The following HNRNPF variants were observed in gnomAD, a reference collection of about 807,000 sequenced individuals.
HNRNPF encodes the protein HnRNP F protein.
Under a neutral mutation model 26.0 loss-of-function variants are expected in HNRNPF, and 2 were observed. The observed-to-expected ratio is 0.08, with a 90% CI of 0.03 to 0.24. The LOEUF (loss-of-function observed/expected upper bound fraction) is 0.24. Among genes scored for constraint, HNRNPF ranks in the 10% least tolerant of loss-of-function variants. The pLI is 1.00. For missense variants in HNRNPF, 299 were observed against 539.2 expected (o/e 0.55, Z 4.41); for synonymous variants, 234 against 211.5 (o/e 1.11, Z -0.92).
chr10:43,388,136 T>C (rs1000356805), intron 3 of HNRNPF, among the ~76,000 whole-genome samples, 200 bp from the exon 4 acceptor site: 2 of 152,166 alleles, frequency 1.3e-5, no homozygotes, highest in Non-Finnish European at 2.9e-5. Context: ...GACAGGACGA[T>C]GCATGTGAAT....
At chr10:43,395,293 T>A (rs1178681568) in intron 2 of HNRNPF, among the ~76,000 whole-genome samples, 2 of 152,288 alleles carry the variant, frequency 1.3e-5, no homozygotes, top group Middle Eastern at 3.4e-3. Flanking sequence ...GTAAGCAGTG[T>A]GGAGACACAT....
intron 3 of HNRNPF, among the ~76,000 whole-genome samples, chr10:43,394,186 C>G (rs892950250): frequency 3.9e-5 from 6 of 152,118 alleles, no homozygotes; most frequent in African/African-American, 1.2e-4. Flanking sequence ...GTAGGGGGGT[C>G]AACACCTTCC....
At chr10:43,407,292 A>T (rs1037495683) in intron 1 of HNRNPF, among the ~76,000 whole-genome samples, 7 of 151,670 alleles carry the variant, frequency 4.6e-5, no homozygotes, top group Non-Finnish European at 1.0e-4. Context: ...CCCGCCACGC[A>T]GATGGCCGGC....
chr10:43,392,508 C>T (rs949284953), intron 3 of HNRNPF, among the ~76,000 whole-genome samples: 6 of 152,328 alleles, frequency 3.9e-5, no homozygotes, highest in African/African-American at 1.4e-4. Context: ...CACTGCACTC[C>T]AGCCTAGGCG....
intron 3 of HNRNPF, among the ~76,000 whole-genome samples, chr10:43,392,680 G>C (rs1838300785): frequency 1.3e-5 from 2 of 152,162 alleles, no homozygotes; most frequent in Admixed American, 6.5e-5. Context: ...AATTACTGTT[G>C]GTTTTCCAGT....
At chr10:43,407,376 G>T (rs1489314154) in intron 1 of HNRNPF, among the ~76,000 whole-genome samples, 1 of 152,148 alleles carries the variant, frequency 6.6e-6, no homozygotes, top group African/African-American at 2.4e-5. Context: ...CCGCCCGCGG[G>T]CAATGGCCGA....
chr10:43,403,923 T>C (rs1388242075), intron 1 of HNRNPF, among the ~76,000 whole-genome samples: 2 of 150,574 alleles, frequency 1.3e-5, no homozygotes, highest in Non-Finnish European at 3.0e-5. Context: ...GCCCAGGAGG[T>C]TGAGGCTGCA....
At chr10:43,403,690 G>A (rs558670806) in intron 1 of HNRNPF, among the ~76,000 whole-genome samples, 95 of 152,264 alleles carry the variant, frequency 6.2e-4, no homozygotes, top group African/African-American at 2.3e-3. Flanking sequence ...GAAATGCTAA[G>A]CTGAATTTAT....
intron 1 of HNRNPF, among the ~76,000 whole-genome samples, chr10:43,397,816 G>GTA (rs1838606988): frequency 6.6e-6 from 1 of 152,082 alleles, no homozygotes. Flanking sequence ...TCATTATACT[G>GTA]TAATTTTATT....
intron 3 of HNRNPF, among the ~76,000 whole-genome samples, chr10:43,393,152 T>G (rs78190000): frequency 0.015 from 2,255 of 152,360 alleles, 29 homozygotes; most frequent in Non-Finnish European, 0.023. Flanking sequence ...ACACGTTGAA[T>G]GGCAGCCTAT....
At chr10:43,395,930 CGTCCGCAG>C (rs1838479471) in intron 2 of HNRNPF, among the ~76,000 whole-genome samples, 1 of 152,140 alleles carries the variant, frequency 6.6e-6, no homozygotes, top group Non-Finnish European at 1.5e-5. Context: ...CTGGTCTCCC[CGTCCGCAG>C]CGCCAAGAAA....
chr10:43,404,348 G>C (rs147480571), intron 1 of HNRNPF, among the ~76,000 whole-genome samples: 1 of 150,452 alleles, frequency 6.6e-6, no homozygotes, highest in South Asian at 2.1e-4. Context: ...ATCTTAGAGC[G>C]ATCACATGAA....
At chr10:43,403,865 C>T (rs936343014) in intron 1 of HNRNPF, among the ~76,000 whole-genome samples, 7 of 152,114 alleles carry the variant, frequency 4.6e-5, no homozygotes, top group African/African-American at 1.2e-4. Flanking sequence ...GCATGTGGCA[C>T]ACACCTGTAA....
Position 43,395,718 on chromosome 10 carries a change from A to AC in HNRNPF, c.-112+737_-112+738insG, listed in dbSNP as rs556645417. ...ACTTGTTCAAGGATCTAAAGGGTGG[A>AC]ACCCAGTCATCTTAATGATCTGATC... On this transcript the variant is annotated intron_variant, in intron 2 of 3. Coordinates refer to ENST00000682386, the MANE Select transcript of HNRNPF (RefSeq NM_001098204.2). Among the ~76,000 whole-genome samples, 373 of 152,338 alleles carry AC rather than the reference A, an allele frequency of 2.4e-3. 1 individual carries two copies. The highest frequency in any genetic ancestry group is 3.5e-3 in the Non-Finnish European group (237 of 68,030).
chr10:43,387,169 C>A lies in HNRNPF; in HGVS notation c.716G>T (p.Gly239Val), dbSNP rs1564392711. ...ERMRPGAYSTGYGGYEEYSGL... is the reference protein window; with the variant it reads ...ERMRPGAYSTVYGGYEEYSGL... ...ACTGTACTCCTCGTAGCCCCCGTAG[C>A]CTGTGCTGTAGGCACCAGGCCTCAT... The change falls in exon 4 of 4, where the codon GGC becomes GTC. Residue 239 changes from glycine (G) to valine (V), a missense_variant. Coordinates refer to ENST00000682386, the MANE Select transcript of HNRNPF (RefSeq NM_001098204.2). This position sits in a 1 kb window ranked among gnomAD's most constrained non-coding sequence, Gnocchi z 6.0. The A allele has an allele frequency of 6.2e-7, 1 of 1,614,182 alleles. No individual in the cohort carries two copies.
chr10:43,404,372 TAATA>T (rs141643737), intron 1 of HNRNPF, among the ~76,000 whole-genome samples: 1,988 of 151,600 alleles, frequency 0.013, 36 homozygotes, highest in African/African-American at 0.044. Flanking sequence ...GTATTCCTGC[TAATA>T]AATGAAAAGG....
intron 2 of HNRNPF, among the ~76,000 whole-genome samples, chr10:43,395,993 A>T (rs1439123735): frequency 6.6e-6 from 1 of 152,156 alleles, no homozygotes; most frequent in Non-Finnish European, 1.5e-5. Context: ...AGGTGACTGG[A>T]CCCGGAGGTT....
chr10:43,389,632 A>G (rs1191906430), intron 3 of HNRNPF, among the ~76,000 whole-genome samples: 1 of 152,258 alleles, frequency 6.6e-6, no homozygotes, highest in Non-Finnish European at 1.5e-5. Flanking sequence ...GATTATAAAG[A>G]TAACAAGATG....
At chr10:43,408,979 C>A (rs1465271932) in intron 1 of HNRNPF, 152 bp downstream of exon 1, 1 of 152,378 alleles carries the variant, frequency 6.6e-6, no homozygotes, top group African/African-American at 2.4e-5. Context: ...CGGAAGCCCT[C>A]CTGCTCCCGG....
Sources: gnomAD v4.1 joint callset for allele counts (sites outside exome capture counted in the v4.1 genomes callset) on GRCh38, gnomAD v4.1.1 for gene constraint, Gnocchi (gnomAD v3.1) non-coding constraint, MANE v1.5 for transcripts, NCBI Gene and HGNC (gene_info 2026-07-23, HGNC 2026-07-21) for gene names.